Variants in PPP3CA observed in about 807,000 individuals in gnomAD.
The protein encoded by PPP3CA is CAM-PRP catalytic subunit.
A neutral mutation model predicts 66.5 loss-of-function variants in PPP3CA; 14 were observed. The ratio of observed to expected loss-of-function variants is 0.21; its 90% CI spans 0.14 to 0.33. The LOEUF (loss-of-function observed/expected upper bound fraction) is 0.33. PPP3CA is among the 10% of genes least tolerant of loss of function. The probability of loss-of-function intolerance (pLI) is 1.00; values close to 1 mark genes in which losing one functional copy is unlikely to be tolerated. For synonymous variants in PPP3CA, 232 were observed against 226.2 expected (o/e 1.03, Z -0.23); for missense variants, 317 against 639.5 (o/e 0.50, Z 5.44).
At chr4:101,296,639 T>C (rs1260913365) in intron 1 of PPP3CA, among the ~76,000 whole-genome samples, 1 of 152,176 alleles carries the variant, frequency 6.6e-6, no homozygotes, top group Non-Finnish European at 1.5e-5. Context: ...CTGGTGAGTA[T>C]GTTATGTCAT....
intron 2 of PPP3CA, among the ~76,000 whole-genome samples, chr4:101,184,311 G>T (rs1422966377): frequency 6.6e-6 from 1 of 152,180 alleles, no homozygotes; most frequent in Non-Finnish European, 1.5e-5. Context: ...TTGAGGCCCA[G>T]AATCAGTTCC....
intron 1 of PPP3CA, among the ~76,000 whole-genome samples, chr4:101,247,269 C>A (rs1396734675): frequency 1.3e-5 from 2 of 151,636 alleles, no homozygotes; most frequent in African/African-American, 4.8e-5. Flanking sequence ...TCAAGCAATT[C>A]TTCTGCCTCA....
At chr4:101,112,329 TAA>T (rs1041741708) in intron 2 of PPP3CA, among the ~76,000 whole-genome samples, 3 of 152,190 alleles carry the variant, frequency 2.0e-5, no homozygotes, top group African/African-American at 7.2e-5. Context: ...AACTTTGTGA[TAA>T]GAGATAATCT....
intron 8 of PPP3CA, among the ~76,000 whole-genome samples, chr4:101,070,908 T>G (rs1728889946): frequency 1.3e-5 from 2 of 152,066 alleles, no homozygotes; most frequent in South Asian, 4.1e-4. Context: ...TCTAGCAAAT[T>G]TTTTTTTGTT....
chr4:101,041,719 C>G (rs1312283277), intron 10 of PPP3CA, among the ~76,000 whole-genome samples: 2 of 152,136 alleles, frequency 1.3e-5, no homozygotes, highest in African/African-American at 4.8e-5. Flanking sequence ...CAAGTGTGAG[C>G]CACCGCACCT....
At chr4:101,075,909 G>T (rs190194837) in intron 8 of PPP3CA, among the ~76,000 whole-genome samples, 1 of 152,224 alleles carries the variant, frequency 6.6e-6, no homozygotes, top group East Asian at 1.9e-4. Flanking sequence ...CTAGGTTAAA[G>T]ACCATGTCTG....
intron 10 of PPP3CA, among the ~76,000 whole-genome samples, chr4:101,059,938 G>T (rs1035324208): frequency 6.6e-6 from 1 of 152,034 alleles, no homozygotes; most frequent in African/African-American, 2.4e-5. Context: ...ATGCTATGTA[G>T]ATAGTTGTTA....
intron 8 of PPP3CA, among the ~76,000 whole-genome samples, chr4:101,079,856 CT>C (rs1272050965): frequency 6.6e-6 from 1 of 152,072 alleles, no homozygotes; most frequent in Non-Finnish European, 1.5e-5. Flanking sequence ...TTTCATGTTT[CT>C]TTCAGGCATG....
intron 1 of PPP3CA, among the ~76,000 whole-genome samples, chr4:101,336,062 A>C (rs1057048888): frequency 8.6e-5 from 13 of 151,184 alleles, no homozygotes; most frequent in Admixed American, 7.3e-4. Flanking sequence ...CACACACACA[A>C]AAATTAGCCA....
chr4:101,270,768 C>A (rs983023519), intron 1 of PPP3CA, among the ~76,000 whole-genome samples: 1 of 151,934 alleles, frequency 6.6e-6, no homozygotes, highest in Non-Finnish European at 1.5e-5. Flanking sequence ...CTTAACAATT[C>A]GATAATATTC....
rs1730043906 is a variant in PPP3CA, at chr4:101,347,258, G to A, written c.-462C>T. On this transcript the variant is annotated 5_prime_UTR_variant, in exon 1 of 14. Transcript: ENST00000394854. ...GGCCGGGGGCGAGGGAGGAGAGGCAGGGCCGCCGATGTCAGTGCCACCAGC... is the reference window on the plus strand; with the variant it reads ...GGCCGGGGGCGAGGGAGGAGAGGCAAGGCCGCCGATGTCAGTGCCACCAGC... 4.6e-6 allele frequency: 1 copy of A among 215,188 alleles called. No homozygotes were observed. The highest frequency in any genetic ancestry group is 9.2e-6 in the Non-Finnish European group (1 of 109,100). 13.3% of individuals were successfully genotyped at this position (215,188 alleles called of 1,614,324 possible). A position where few individuals can be genotyped will look rare whatever the true frequency, so the allele number is the denominator to read the frequency against.
chr4:101,119,429 G>A (rs532201093), intron 2 of PPP3CA, among the ~76,000 whole-genome samples: 1 of 152,088 alleles, frequency 6.6e-6, no homozygotes, highest in South Asian at 2.1e-4. Context: ...TGTAATGGTA[G>A]TAATGTTTCA....
At chr4:101,096,194 C>T (rs993607165) in intron 5 of PPP3CA, among the ~76,000 whole-genome samples, 3 of 152,044 alleles carry the variant, frequency 2.0e-5, no homozygotes, top group African/African-American at 7.3e-5. Flanking sequence ...AACACTTGAA[C>T]CTCAATGATA....
chr4:101,112,136 T>A (rs1721694253), intron 2 of PPP3CA, among the ~76,000 whole-genome samples: 1 of 152,160 alleles, frequency 6.6e-6, no homozygotes, highest in African/African-American at 2.4e-5. Context: ...GGGTTAGGCA[T>A]TAAGCAGTTA....
intron 7 of PPP3CA, among the ~76,000 whole-genome samples, chr4:101,081,024 G>A (rs988499445): frequency 2.6e-5 from 4 of 151,956 alleles, no homozygotes; most frequent in Non-Finnish European, 1.5e-5. Flanking sequence ...CAAATAAGTA[G>A]AGCAAGATAC....
chr4:101,317,056 G>A (rs745402578), intron 1 of PPP3CA, among the ~76,000 whole-genome samples: 6 of 151,664 alleles, frequency 4.0e-5, no homozygotes, highest in Non-Finnish European at 7.4e-5. Context: ...ATTCCCTATG[G>A]CATTTACCTC....
intron 11 of PPP3CA, among the ~76,000 whole-genome samples, chr4:101,035,342 A>C (rs772796933): frequency 1.3e-5 from 2 of 152,180 alleles, no homozygotes; most frequent in Non-Finnish European, 2.9e-5. Flanking sequence ...ACAACCCATA[A>C]TGCTCTGAGA....
At chr4:101,077,388 T>C (rs1439982264) in intron 8 of PPP3CA, among the ~76,000 whole-genome samples, 1 of 152,184 alleles carries the variant, frequency 6.6e-6, no homozygotes, top group African/African-American at 2.4e-5. Context: ...CTTCTAACAA[T>C]CAAATGGTTA....
chr4:101,135,506 C>G (rs13120190), intron 2 of PPP3CA, among the ~76,000 whole-genome samples: 14,829 of 152,194 alleles, frequency 0.097, 933 homozygotes, highest in Middle Eastern at 0.14. Flanking sequence ...GTCTAAAAAA[C>G]AGAATCAATG....
Sources: allele counts gnomAD v4.1 joint callset (sites outside exome capture counted in the v4.1 genomes callset), GRCh38; gene constraint gnomAD v4.1.1; transcripts MANE v1.5; gene names NCBI Gene and HGNC (gene_info 2026-07-23, HGNC 2026-07-21).